The following FBXL17 variants were observed in gnomAD, a reference collection of about 807,000 sequenced individuals.
FBXL17 encodes the protein F-box and leucine rich repeat protein 17.
Under a neutral mutation model 66.2 loss-of-function variants are expected in FBXL17, and 22 were observed. That is an observed-to-expected ratio of 0.33 (90% CI 0.24 to 0.47). The LOEUF (loss-of-function observed/expected upper bound fraction) is 0.47. FBXL17 is among the 20% of genes least tolerant of loss of function. The pLI, the probability that FBXL17 is intolerant of heterozygous loss-of-function variation, is 1.00. For missense variants in FBXL17, 878 were observed against 948.2 expected (o/e 0.93, Z 0.97); for synonymous variants, 474 against 400.5 (o/e 1.18, Z -2.19).
At chr5:108,366,911 T>C (rs1748704223) in intron 2 of FBXL17, among the ~76,000 whole-genome samples, 2 of 152,042 alleles carry the variant, frequency 1.3e-5, no homozygotes, top group Non-Finnish European at 2.9e-5. Context: ...TGTGCTGGAG[T>C]TGGCTTGTAG....
chr5:107,928,588 A>G (rs925811013), intron 7 of FBXL17, among the ~76,000 whole-genome samples: 12 of 152,124 alleles, frequency 7.9e-5, no homozygotes, highest in African/African-American at 2.9e-4. Context: ...CAGATTTGAG[A>G]AAGATAAGTA....
chr5:108,210,210 T>C (rs1312199745), intron 5 of FBXL17, among the ~76,000 whole-genome samples: 1 of 152,214 alleles, frequency 6.6e-6, no homozygotes, highest in Non-Finnish European at 1.5e-5. Flanking sequence ...CTTTTTTCTT[T>C]ATTATTCTGG....
intron 7 of FBXL17, among the ~76,000 whole-genome samples, chr5:107,952,131 T>C (rs1751517957): frequency 6.6e-6 from 1 of 152,120 alleles, no homozygotes; most frequent in African/African-American, 2.4e-5. Flanking sequence ...ACTCCTTTAG[T>C]CAATTGTGCA....
intron 3 of FBXL17, among the ~76,000 whole-genome samples, chr5:108,356,388 ATAGT>A (rs1480853825): frequency 1.3e-5 from 2 of 152,212 alleles, no homozygotes; most frequent in Non-Finnish European, 2.9e-5. Flanking sequence ...ACAGAAGTTT[ATAGT>A]AGTTTTATTT....
At chr5:108,134,092 T>C (rs560704410) in intron 6 of FBXL17, among the ~76,000 whole-genome samples, 12 of 152,248 alleles carry the variant, frequency 7.9e-5, no homozygotes, top group African/African-American at 2.9e-4. Context: ...TCTAGCTTCA[T>C]TTTTTCCAAA....
chr5:108,254,397 G>A (rs7727051), intron 4 of FBXL17, among the ~76,000 whole-genome samples: 113,845 of 152,042 alleles, frequency 0.75, 43,001 homozygotes, highest in East Asian at 0.93. Context: ...TCTCTTCCCT[G>A]TCAATTCCCA....
chr5:108,024,221 T>A (rs1754708707), intron 6 of FBXL17, among the ~76,000 whole-genome samples: 1 of 152,182 alleles, frequency 6.6e-6, no homozygotes, highest in Non-Finnish European at 1.5e-5. Context: ...AGTATCCGTG[T>A]ATAAGATAAT....
In FBXL17 at chr5:108,107,811, CA is replaced by C. The variant is rs143806373; in HGVS notation, c.1745+78305del. Among the ~76,000 whole-genome samples, 440 of 120,706 alleles carry C rather than the reference CA, an allele frequency of 3.6e-3. 7 individuals are homozygous for C. Among genetic ancestry groups the C allele is most frequent in the African/African-American group, 0.012 (387 of 31,760 alleles). The allele number at this position is 120,706 out of a possible 152,430, so 79.2% of individuals were successfully genotyped here. ...TGGGCAACACAGCAAGACTCTGTCT[CA>C]AAAAAAAAAAAGAAAAGAAAAAAGA... On this transcript the variant is annotated intron_variant, in intron 6 of 8. Transcript: ENST00000542267.
At chr5:108,291,661 G>C (rs1246090922) in intron 4 of FBXL17, among the ~76,000 whole-genome samples, 2 of 152,122 alleles carry the variant, frequency 1.3e-5, no homozygotes, top group African/African-American at 2.4e-5. Context: ...CAGATCTCAA[G>C]ACATCCAACT....
chr5:107,876,395 G>C (rs1484242405), intron 8 of FBXL17, among the ~76,000 whole-genome samples: 2 of 152,184 alleles, frequency 1.3e-5, no homozygotes, highest in East Asian at 3.8e-4. Context: ...GCTTTTAAAA[G>C]CTCCAGCATT....
chr5:107,926,852 A>G (rs1475727150), intron 7 of FBXL17, among the ~76,000 whole-genome samples: 2 of 152,236 alleles, frequency 1.3e-5, no homozygotes, highest in East Asian at 3.9e-4. Flanking sequence ...CCAGTAAGTT[A>G]TGATTTTGCT....
At chr5:107,970,874 A>T (rs1297163678) in intron 7 of FBXL17, among the ~76,000 whole-genome samples, 2 of 152,152 alleles carry the variant, frequency 1.3e-5, no homozygotes, top group African/African-American at 2.4e-5. Context: ...CCAGAGAAAA[A>T]TGTTGCTCTG....
At chr5:108,257,621 T>C (rs1756629833) in intron 4 of FBXL17, among the ~76,000 whole-genome samples, 1 of 152,106 alleles carries the variant, frequency 6.6e-6, no homozygotes, top group Admixed American at 6.6e-5. Flanking sequence ...TTGTCCACTT[T>C]ACAGATGAGA....
At chr5:108,315,091 A>G (rs1425361169) in intron 4 of FBXL17, among the ~76,000 whole-genome samples, 5 of 151,194 alleles carry the variant, frequency 3.3e-5, no homozygotes, top group Non-Finnish European at 5.9e-5. Flanking sequence ...CCAGAGTTTA[A>G]AAAAGTACAA....
chr5:108,058,118 T>C (rs959498451), intron 6 of FBXL17, among the ~76,000 whole-genome samples: 4 of 152,222 alleles, frequency 2.6e-5, no homozygotes, highest in Non-Finnish European at 5.9e-5. Flanking sequence ...CTAACATTAG[T>C]GAACACTCGG....
At chr5:107,998,095 A>G (rs1176683959) in intron 7 of FBXL17, among the ~76,000 whole-genome samples, 1 of 152,244 alleles carries the variant, frequency 6.6e-6, no homozygotes, top group Non-Finnish European at 1.5e-5. Context: ...ACTTACTATA[A>G]GTAAAGAATG....
intron 8 of FBXL17, among the ~76,000 whole-genome samples, chr5:107,871,700 G>C (rs1298133182): frequency 6.6e-6 from 1 of 151,790 alleles, no homozygotes; most frequent in Non-Finnish European, 1.5e-5. Flanking sequence ...AGTTGCTTGG[G>C]GGAGTCATCT....
At chr5:108,076,165 T>C (rs1270918964) in intron 6 of FBXL17, among the ~76,000 whole-genome samples, 2 of 152,236 alleles carry the variant, frequency 1.3e-5, no homozygotes, top group Admixed American at 6.5e-5. Flanking sequence ...ATATTTCTCA[T>C]ACCTGCTTAA....
chr5:108,068,365 A>G (rs1446279300), intron 6 of FBXL17, among the ~76,000 whole-genome samples: 1 of 151,990 alleles, frequency 6.6e-6, no homozygotes, highest in East Asian at 1.9e-4. Flanking sequence ...TTTGAGTCAA[A>G]GAACTTTGTT....
Sources: allele counts gnomAD v4.1 joint callset (sites outside exome capture counted in the v4.1 genomes callset), GRCh38; gene constraint gnomAD v4.1.1; transcripts MANE v1.5; gene names NCBI Gene and HGNC (gene_info 2026-07-23, HGNC 2026-07-21).